The following OTUD7A variants were observed in gnomAD, a reference collection of about 807,000 sequenced individuals.
OTUD7A encodes OTU domain-containing protein 7A.
In OTUD7A, 12 loss-of-function variants were observed where a neutral mutation model predicts 65.7. The observed-to-expected ratio is 0.18, with a 90% CI of 0.12 to 0.30. The LOEUF (loss-of-function observed/expected upper bound fraction) is 0.30. OTUD7A is among the 10% of genes least tolerant of loss of function. The pLI is 1.00. For missense variants in OTUD7A, 1,148 were observed against 1,304.8 expected (o/e 0.88, Z 1.85); for synonymous variants, 641 against 586.3 (o/e 1.09, Z -1.35).
intron 1 of OTUD7A, among the ~76,000 whole-genome samples, chr15:31,688,171 G>A (rs913631129): frequency 1.1e-4 from 16 of 150,712 alleles, no homozygotes; most frequent in Admixed American, 4.6e-4. Flanking sequence ...AGCCGAGATC[G>A]TGCCACTGCA....
rs1048652507 is a variant in OTUD7A, at chr15:31,479,064, G to C, written c.*4230C>G. On this transcript the variant is annotated 3_prime_UTR_variant, in exon 13 of 13. Transcript: ENST00000307050. ...TAAAACAGGCCAGCTAGAGTTTAGA[G>C]TCAGGAGTAAATGGGAAGGTGGTGC... The C allele has an allele frequency of 1.3e-5, 2 of 152,290 alleles. No homozygotes were observed. The highest frequency in any genetic ancestry group is 2.9e-5 in the Non-Finnish European group (2 of 68,086). The allele number at this position is 152,290 out of a possible 1,614,324, so 9.4% of individuals were successfully genotyped here.
chr15:31,779,169 A>G (rs1895469418), intron 1 of OTUD7A, among the ~76,000 whole-genome samples: 1 of 152,196 alleles, frequency 6.6e-6, no homozygotes, highest in Non-Finnish European at 1.5e-5. Flanking sequence ...TTCCTCACCC[A>G]GGTGCCCTAT....
intron 1 of OTUD7A, among the ~76,000 whole-genome samples, chr15:31,755,512 G>C (rs1894787228): frequency 6.6e-6 from 1 of 152,124 alleles, no homozygotes; most frequent in Non-Finnish European, 1.5e-5. Flanking sequence ...ACGAGGTCAG[G>C]AGATCGAGAC....
intron 3 of OTUD7A, 116 bp downstream of exon 3, chr15:31,654,980 C>A: frequency 7.6e-7 from 1 of 1,309,298 alleles, no homozygotes; most frequent in Admixed American, 3.1e-5. Context: ...AGATGTAACA[C>A]AAAGCAAAGC....
At chr15:31,836,819 C>T (rs1897065546) in intron 1 of OTUD7A, among the ~76,000 whole-genome samples, 2 of 152,158 alleles carry the variant, frequency 1.3e-5, no homozygotes, top group South Asian at 4.1e-4. Context: ...AAACACTCAG[C>T]AAACTAGAAA....
intron 5 of OTUD7A, among the ~76,000 whole-genome samples, chr15:31,551,383 C>T (rs1026219523): frequency 2.6e-5 from 4 of 152,178 alleles, no homozygotes; most frequent in Admixed American, 1.3e-4. Context: ...ATGACATAAC[C>T]ACAGAACAGG....
intron 1 of OTUD7A, among the ~76,000 whole-genome samples, chr15:31,751,713 C>G (rs2141385112): frequency 6.6e-6 from 1 of 152,208 alleles, no homozygotes; most frequent in South Asian, 2.1e-4. Context: ...TTCATATACA[C>G]CATGGAATAC....
At chr15:31,566,070 T>TA (rs1165303155) in intron 4 of OTUD7A, among the ~76,000 whole-genome samples, 3 of 151,832 alleles carry the variant, frequency 2.0e-5, no homozygotes, top group African/African-American at 2.4e-5. Flanking sequence ...CGGGTGCCTG[T>TA]GTCCCAGTTA....
chr15:31,594,668 C>T (rs918068426), intron 3 of OTUD7A, among the ~76,000 whole-genome samples: 1 of 152,328 alleles, frequency 6.6e-6, no homozygotes, highest in Middle Eastern at 3.4e-3. Flanking sequence ...TCAATGAAAT[C>T]CTGCTGGATC....
intron 5 of OTUD7A, among the ~76,000 whole-genome samples, chr15:31,537,207 G>A (rs573505207): frequency 6.6e-6 from 1 of 152,070 alleles, no homozygotes; most frequent in Non-Finnish European, 1.5e-5. Flanking sequence ...TATTAACAAA[G>A]TTTAATATAA....
chr15:31,559,693 C>G (rs9944232), intron 4 of OTUD7A, among the ~76,000 whole-genome samples: 3 of 151,932 alleles, frequency 2.0e-5, no homozygotes, highest in Admixed American at 6.5e-5. Context: ...TACATGCCCA[C>G]GCACATACAC....
intron 8 of OTUD7A, among the ~76,000 whole-genome samples, chr15:31,510,273 C>T (rs939714353): frequency 1.3e-5 from 2 of 152,014 alleles, no homozygotes; most frequent in African/African-American, 4.8e-5. Flanking sequence ...GTTGGCTTTT[C>T]TTTCTGCGAC....
At position 31,512,825 on chromosome 15, in the gene OTUD7A, T is replaced by C. The variant is rs1249546136; in HGVS notation, c.894-9007A>G. Among the ~76,000 whole-genome samples the C allele has an allele frequency of 5.3e-5, 8 of 152,364 alleles. No homozygotes were observed. In the South Asian group the frequency reaches 8.3e-4, roughly 16 times the overall value. ...GGTTAAATTGTGGGAGCTAAGAATA[T>C]AAAGTATGTTGATTTTTTTATTATG... On this transcript the variant is annotated intron_variant, in intron 8 of 12. Transcript: ENST00000307050.
At chr15:31,597,114 G>C in intron 3 of OTUD7A, among the ~76,000 whole-genome samples, 1 of 151,580 alleles carries the variant, frequency 6.6e-6, no homozygotes, top group Non-Finnish European at 1.5e-5. Flanking sequence ...TTTTTGTAGA[G>C]ACAGAGTTTT....
intron 1 of OTUD7A, chr15:31,766,462 C>T: frequency 6.3e-7 from 1 of 1,591,004 alleles, no homozygotes; most frequent in South Asian, 1.1e-5. Flanking sequence ...AGTAAAGAGT[C>T]TTCTGAAAGT....
intron 1 of OTUD7A, among the ~76,000 whole-genome samples, chr15:31,846,748 G>A (rs1335917013): frequency 4.6e-5 from 7 of 152,216 alleles, no homozygotes; most frequent in African/African-American, 9.6e-5. Context: ...AATGATGTCC[G>A]TGACAAGAAA....
chr15:31,860,697 A>ATATATATATATATATATGTATG (rs1417556267), intron 1 of OTUD7A, among the ~76,000 whole-genome samples: 1 of 129,760 alleles, frequency 7.7e-6, no homozygotes, highest in African/African-American at 2.8e-5. Flanking sequence ...ATATATATAT[A>ATATATATATATATATATGTATG]TATGTATGTA....
chr15:31,803,909 G>A (rs1160287371), intron 1 of OTUD7A, among the ~76,000 whole-genome samples: 1 of 152,202 alleles, frequency 6.6e-6, no homozygotes, highest in Non-Finnish European at 1.5e-5. Context: ...GAGCACATCT[G>A]CTAAAAAGCC....
At chr15:31,534,986 T>C (rs954386218) in intron 5 of OTUD7A, among the ~76,000 whole-genome samples, 6 of 152,204 alleles carry the variant, frequency 3.9e-5, no homozygotes, top group African/African-American at 1.2e-4. Context: ...CAAGAGTCAA[T>C]TGTATTTTGC....
Sources: gnomAD v4.1 joint callset for allele counts (sites outside exome capture counted in the v4.1 genomes callset) on GRCh38, gnomAD v4.1.1 for gene constraint, MANE v1.5 for transcripts, NCBI Gene and HGNC (gene_info 2026-07-23, HGNC 2026-07-21) for gene names.